DPP6: variants seen among roughly 807,000 people sequenced by gnomAD.
DPP6 encodes A-type potassium channel modulatory protein DPP6.
A neutral mutation model predicts 122.6 loss-of-function variants in DPP6; 69 were observed. The observed-to-expected ratio is 0.56, with a 90% CI of 0.46 to 0.69. The LOEUF (loss-of-function observed/expected upper bound fraction) is 0.69. Ranked by LOEUF, DPP6 falls within the 30% of genes least tolerant of loss-of-function variation. The probability of loss-of-function intolerance (pLI) is 0.00; values close to 1 mark genes in which losing one functional copy is unlikely to be tolerated. For missense variants in DPP6, 928 were observed against 1,116.9 expected, an observed-to-expected ratio of 0.83 and a Z score of 2.41; for synonymous variants, 418 against 433.1, an observed-to-expected ratio of 0.97 and a Z score of 0.43.
chr7:154,645,034 T>TG (rs1171014939), intron 6 of DPP6, among the ~76,000 whole-genome samples: 1 of 150,872 alleles, frequency 6.6e-6, no homozygotes, highest in East Asian at 2.0e-4. Flanking sequence ...CACTGTTACT[T>TG]GCTTTTTTTG....
chr7:154,634,372 T>A (rs1835597621), intron 5 of DPP6, among the ~76,000 whole-genome samples: 1 of 152,036 alleles, frequency 6.6e-6, no homozygotes, highest in Non-Finnish European at 1.5e-5. Flanking sequence ...TAGTATTCCA[T>A]GGTGTATATG....
intron 1 of DPP6, among the ~76,000 whole-genome samples, chr7:154,293,829 G>A: frequency 6.6e-6 from 1 of 152,114 alleles, no homozygotes; most frequent in East Asian, 1.9e-4. Flanking sequence ...CTTGTCTCTT[G>A]ATTTCAGTCT....
chr7:154,213,787 A>T (rs961415139), intron 1 of DPP6, among the ~76,000 whole-genome samples: 3 of 152,142 alleles, frequency 2.0e-5, no homozygotes, highest in Non-Finnish European at 4.4e-5. Flanking sequence ...TGTGCCCGTC[A>T]TGCGGTCCCT....
At chr7:154,384,764 C>T (rs1017912299) in intron 1 of DPP6, among the ~76,000 whole-genome samples, 12 of 146,258 alleles carry the variant, frequency 8.2e-5, no homozygotes, top group African/African-American at 3.1e-4. Context: ...GACAGAGTCT[C>T]GCTCTGTCGC....
chr7:154,267,171 C>T (rs961951448), intron 1 of DPP6, among the ~76,000 whole-genome samples: 1 of 151,886 alleles, frequency 6.6e-6, no homozygotes, highest in African/African-American at 2.4e-5. Flanking sequence ...AACAATGCCA[C>T]TCTGCTCACC....
chr7:153,782,309 C>G, the DPP6 span, among the ~76,000 whole-genome samples: 5 of 152,032 alleles, frequency 3.3e-5, no homozygotes, highest in Non-Finnish European at 7.4e-5. Context: ...TCCTTCTGCT[C>G]TCTCTCCTTC....
intron 1 of DPP6, among the ~76,000 whole-genome samples, chr7:154,247,936 A>C (rs1379581374): frequency 6.6e-6 from 1 of 152,194 alleles, no homozygotes; most frequent in Non-Finnish European, 1.5e-5. Flanking sequence ...GCTGCTATAT[A>C]ACAAAGTGCC....
intron 1 of DPP6, among the ~76,000 whole-genome samples, chr7:154,114,545 C>A (rs1220865022): frequency 6.6e-6 from 1 of 152,142 alleles, no homozygotes; most frequent in African/African-American, 2.4e-5. Flanking sequence ...TTAAACAATT[C>A]ATGAGTTTTC....
At chr7:154,644,390 G>C (rs576275800) in intron 6 of DPP6, among the ~76,000 whole-genome samples, 13 of 152,302 alleles carry the variant, frequency 8.5e-5, no homozygotes, top group Non-Finnish European at 1.9e-4. Flanking sequence ...TTAAATCTGT[G>C]GCAGCCTGGG....
At chr7:154,060,610 C>T (rs1232897040) in intron 1 of DPP6, among the ~76,000 whole-genome samples, 11 of 117,478 alleles carry the variant, frequency 9.4e-5, no homozygotes, top group East Asian at 5.1e-4. Context: ...TCTTCCCCCC[C>T]CTGGCTCTGA....
At chr7:154,712,200 A>G (rs967941738) in intron 7 of DPP6, among the ~76,000 whole-genome samples, 1 of 152,220 alleles carries the variant, frequency 6.6e-6, no homozygotes, top group Non-Finnish European at 1.5e-5. Flanking sequence ...TATCAAGGAA[A>G]ACAGTTTCTG....
At chr7:153,922,494 G>T (rs1324203680) in intron 1 of DPP6, among the ~76,000 whole-genome samples, 1 of 152,158 alleles carries the variant, frequency 6.6e-6, no homozygotes, top group Non-Finnish European at 1.5e-5. Flanking sequence ...GTGAGACCTT[G>T]TCTCTAAAAA....
In DPP6 at chr7:154,880,938, G is replaced by A. The variant is rs1805340354; in HGVS notation, c.2129G>A (p.Gly710Glu). ...YIDRTRVAVF[G>E]KDYGGYLSTY... ...GACAGGACGCGCGTGGCCGTGTTTG[G>A]GAAGGTGAGTCTGCGCCACCCTGGT... Residue 710 changes from glycine (G) to glutamate (E), a missense_variant, in exon 21 of 26, where the codon GGG becomes GAG. Transcript: ENST00000377770. The A allele has an allele frequency of 6.2e-7, 1 of 1,613,816 alleles. No individual in the cohort carries two copies. Among genetic ancestry groups the A allele is most frequent in the African/African-American group, 1.3e-5 (1 of 74,902 alleles).
intron 1 of DPP6, among the ~76,000 whole-genome samples, chr7:154,167,813 CA>C (rs904477999): frequency 3.3e-5 from 5 of 152,250 alleles, no homozygotes; most frequent in Admixed American, 1.3e-4. Context: ...CTAAACCCTA[CA>C]AACTGCTCAG....
At chr7:153,769,701 C>G in the DPP6 span, among the ~76,000 whole-genome samples, 5 of 152,202 alleles carry the variant, frequency 3.3e-5, no homozygotes, top group South Asian at 1.0e-3. Flanking sequence ...AACTTTAAAA[C>G]AGGAGAAAAA....
At chr7:154,287,499 T>A (rs965088743) in intron 1 of DPP6, among the ~76,000 whole-genome samples, 7 of 152,158 alleles carry the variant, frequency 4.6e-5, no homozygotes, top group African/African-American at 1.7e-4. Flanking sequence ...GCTGGACAGA[T>A]CCCACGTGGG....
chr7:154,498,370 G>A (rs1010660815), intron 3 of DPP6, among the ~76,000 whole-genome samples: 26 of 152,046 alleles, frequency 1.7e-4, no homozygotes, highest in East Asian at 1.2e-3. Flanking sequence ...ATGGAGTCTC[G>A]CTCTCTCACC....
intron 4 of DPP6, among the ~76,000 whole-genome samples, chr7:154,557,029 G>C (rs181553935): frequency 1.1e-4 from 17 of 152,236 alleles, no homozygotes; most frequent in Non-Finnish European, 1.6e-4. Flanking sequence ...AGGGCCACTC[G>C]TTCTGAGAAA....
intron 5 of DPP6, among the ~76,000 whole-genome samples, chr7:154,575,126 G>GTGTA (rs1831474145): frequency 1.4e-5 from 2 of 144,540 alleles, no homozygotes; most frequent in African/African-American, 5.1e-5. Context: ...TGTGTGTGGT[G>GTGTA]TGTGTGTGGT....
Sources: gnomAD v4.1 joint callset for allele counts (sites outside exome capture counted in the v4.1 genomes callset) on GRCh38, gnomAD v4.1.1 for gene constraint, MANE v1.5 for transcripts, NCBI Gene and HGNC (gene_info 2026-07-23, HGNC 2026-07-21) for gene names.